The following KCNQ1OT1 variants were observed in gnomAD, a reference collection of about 807,000 sequenced individuals.
KCNQ1OT1 encodes KCNQ1 antisense RNA 2 (non-protein coding).
At position 2,676,219 on chromosome 11, in the gene KCNQ1OT1, A is replaced by G. The variant is rs1280453884; in HGVS notation, n.23776T>C. 2.5e-6 allele frequency: 1 copy of G among 398,546 alleles called. No homozygotes were observed. Among genetic ancestry groups the G allele is most frequent in the African/African-American group, 2.1e-5 (1 of 48,638 alleles). 24.7% of individuals were successfully genotyped at this position (398,546 alleles called of 1,614,324 possible). A position where few individuals can be genotyped will look rare whatever the true frequency, so the allele number is the denominator to read the frequency against. On this transcript the variant is annotated non_coding_transcript_exon_variant, in exon 1 of 1. Coordinates refer to ENST00000597346, the Ensembl canonical transcript of KCNQ1OT1. This position sits in a 1 kb window ranked among gnomAD's most constrained non-coding sequence, Gnocchi z 4.2. ...ATACTTCTTTTTGAGCTGTACATAC[A>G]ATGCTGATTTATTATGGTGCAGTAC...
Position 2,657,220 on chromosome 11 carries a change from C to T in KCNQ1OT1, n.42775G>A, listed in dbSNP as rs759574383. 4.8e-5 allele frequency: 19 copies of T among 398,470 alleles called. No homozygotes were observed. The highest frequency in any genetic ancestry group is 3.5e-4 in the Admixed American group (8 of 22,714). The allele number at this position is 398,470 out of a possible 1,614,324, so 24.7% of individuals were successfully genotyped here. On this transcript the variant is annotated non_coding_transcript_exon_variant, in exon 1 of 1. Transcript: ENST00000597346. This position sits in a 1 kb window ranked among gnomAD's most constrained non-coding sequence, Gnocchi z 4.8. ...TTCTTGGCTTTTTGCACTTCCAAGT[C>T]GCAGTTAGAATCAGCTTGCCAAAGT...
chr11:2,678,499 T>C lies in KCNQ1OT1; in HGVS notation n.21496A>G. On this transcript the variant is annotated non_coding_transcript_exon_variant, in exon 1 of 1. Coordinates refer to ENST00000597346, the Ensembl canonical transcript of KCNQ1OT1. The surrounding 1 kb of genome is among the most constrained non-coding windows in gnomAD (Gnocchi z 4.9). ...CAAACTCTCATTTAATTTGTGTCCA[T>C]TTCTAGACTCTATTCTGGACTGCTG... 2.5e-6 allele frequency: 1 copy of C among 398,646 alleles called. No individual in the cohort carries two copies. The highest frequency in any genetic ancestry group is 4.4e-6 in the Non-Finnish European group (1 of 226,062). 24.7% of individuals were successfully genotyped at this position (398,646 alleles called of 1,614,324 possible).
exon 1 of KCNQ1OT1, chr11:2,641,312 A>C (rs567908531): frequency 2.5e-6 from 1 of 398,368 alleles, no homozygotes; most frequent in Admixed American, 4.4e-5. Flanking sequence ...CCTCTCCAGC[A>C]TTGGTTAATT....
chr11:2,617,511 C>T lies in KCNQ1OT1; in HGVS notation n.82484G>A, dbSNP rs1849086360. 2.5e-6 allele frequency: 1 copy of T among 398,354 alleles called. No homozygotes were observed. The highest frequency in any genetic ancestry group is 3.6e-5 in the East Asian group (1 of 28,062). 24.7% of individuals were successfully genotyped at this position (398,354 alleles called of 1,614,324 possible). A position where few individuals can be genotyped will look rare whatever the true frequency, so the allele number is the denominator to read the frequency against. On this transcript the variant is annotated non_coding_transcript_exon_variant, in exon 1 of 1. Transcript: ENST00000597346. This position sits in a 1 kb window ranked among gnomAD's most constrained non-coding sequence, Gnocchi z 4.6. The stretch of plus-strand genomic sequence containing the variant: ...CATATCGTGACTCATGCATATAATG[C>T]CACAATGAATATAGGAGCGCAGATA...
exon 1 of KCNQ1OT1, chr11:2,680,252 T>G (rs1461869687): frequency 2.5e-6 from 1 of 397,036 alleles, no homozygotes; most frequent in African/African-American, 2.1e-5. Flanking sequence ...TGTATATTCA[T>G]ATCCCATTGG....
exon 1 of KCNQ1OT1, chr11:2,616,990 G>A (rs944676505): frequency 7.6e-6 from 3 of 397,108 alleles, no homozygotes; most frequent in African/African-American, 4.1e-5. Flanking sequence ...TTAAAAATAT[G>A]CATATTTAGT....
In KCNQ1OT1 at chr11:2,621,590, T is replaced by C. The variant is rs544435940; in HGVS notation, n.78405A>G. 5.0e-6 allele frequency: 2 copies of C among 398,564 alleles called. No individual in the cohort carries two copies. Among genetic ancestry groups the C allele is most frequent in the East Asian group, 3.6e-5 (1 of 28,050 alleles). 24.7% of individuals were successfully genotyped at this position (398,564 alleles called of 1,614,324 possible). ...TTGCTATTGGTCTGTTCAGGCTTTC[T>C]ATTCCTGATTTAATCTTAGCAGGTT... On this transcript the variant is annotated non_coding_transcript_exon_variant, in exon 1 of 1. Coordinates refer to ENST00000597346, the Ensembl canonical transcript of KCNQ1OT1. This position sits in a 1 kb window ranked among gnomAD's most constrained non-coding sequence, Gnocchi z 5.7.
At chr11:2,619,674 C>T (rs1197120021) in exon 1 of KCNQ1OT1, 7 of 396,498 alleles carry the variant, frequency 1.8e-5, no homozygotes, top group East Asian at 3.6e-5. Context: ...GTGATGCTGG[C>T]CTCATAAAAT....
rs1590032498 is a variant in KCNQ1OT1 at position 2,687,093 on chromosome 11, G to T, written n.12902C>A. 11 of 398,684 alleles carry T rather than the reference G, an allele frequency of 2.8e-5. No homozygotes were observed. The East Asian group carries it at 3.9e-4, about 14-fold the overall frequency. The allele number at this position is 398,684 out of a possible 1,614,324, so 24.7% of individuals were successfully genotyped here. The stretch of plus-strand genomic sequence containing the variant: ...TGATGCAAGATATCCTGAGTTGGGT[G>T]TGACAAGTACACCTTGACACACAAA... On this transcript the variant is annotated non_coding_transcript_exon_variant, in exon 1 of 1. Coordinates refer to ENST00000597346, the Ensembl canonical transcript of KCNQ1OT1. The surrounding 1 kb of genome is among the most constrained non-coding windows in gnomAD (Gnocchi z 5.0).
chr11:2,637,233 G>A (rs954679279), exon 1 of KCNQ1OT1: 1 of 152,050 alleles, frequency 6.6e-6, no homozygotes, highest in African/African-American at 2.4e-5. Context: ...GCTTTTGAAT[G>A]TGTTTGCTCT....
exon 1 of KCNQ1OT1, chr11:2,688,035 C>G: frequency 5.0e-6 from 2 of 398,718 alleles, no homozygotes; most frequent in Non-Finnish European, 4.4e-6. Flanking sequence ...TGGGCAGGCA[C>G]ACACTCCACT....
exon 1 of KCNQ1OT1, chr11:2,660,727 CTTCATTCA>C (rs1298392374): frequency 5.0e-6 from 2 of 398,548 alleles, no homozygotes; most frequent in Non-Finnish European, 8.8e-6. Context: ...TCATTCAACA[CTTCATTCA>C]GGCATGGATG....
At chr11:2,636,264 GTTTTCAAAGGGAATGCTTCCAGTT>G (rs1430863100) in exon 1 of KCNQ1OT1, 1 of 152,092 alleles carries the variant, frequency 6.6e-6, no homozygotes, top group Non-Finnish European at 1.5e-5. Flanking sequence ...TCTTGTGCCA[GTTTTCAAAGGGAATGCTTCCAGTT>G]TTTGCTCATT....
rs1662613887 is a variant in KCNQ1OT1, at chr11:2,682,342, A to C, written n.17653T>G. ...TGTAACTGTGTGTTTATTTGTGGTA[A>C]AGGGTTTACTGGCTGGCTCCTTCTA... On this transcript the variant is annotated non_coding_transcript_exon_variant, in exon 1 of 1. Coordinates refer to ENST00000597346, the Ensembl canonical transcript of KCNQ1OT1. This position sits in a 1 kb window ranked among gnomAD's most constrained non-coding sequence, Gnocchi z 5.8. 5.0e-6 allele frequency: 2 copies of C among 398,594 alleles called. No individual in the cohort carries two copies. The highest frequency in any genetic ancestry group is 8.8e-6 in the Non-Finnish European group (2 of 226,074). The allele number at this position is 398,594 out of a possible 1,614,324, so 24.7% of individuals were successfully genotyped here.
At chr11:2,675,725 C>A in exon 1 of KCNQ1OT1, 1 of 398,700 alleles carries the variant, frequency 2.5e-6, no homozygotes, top group Non-Finnish European at 4.4e-6. Context: ...CTGGAGCAGC[C>A]CCTGCTCCAC....
At chr11:2,618,883 C>A (rs1849116497) in exon 1 of KCNQ1OT1, 1 of 398,006 alleles carries the variant, frequency 2.5e-6, no homozygotes, top group Non-Finnish European at 4.4e-6. Context: ...TTTCAGTGTA[C>A]AGGTCTTTCA....
At chr11:2,641,343 A>G (rs1849573503) in exon 1 of KCNQ1OT1, 1 of 398,062 alleles carries the variant, frequency 2.5e-6, no homozygotes, top group Non-Finnish European at 4.4e-6. Context: ...TAAAATAGCC[A>G]TTCTCACTAT....
chr11:2,669,650 G>A lies in KCNQ1OT1; in HGVS notation n.30345C>T. ...CTCAGTTTCCTCTTGTATACATTGG[G>A]AGTATATCTCACAGTATTAGTGTAA... On this transcript the variant is annotated non_coding_transcript_exon_variant, in exon 1 of 1. Coordinates refer to ENST00000597346, the Ensembl canonical transcript of KCNQ1OT1. This position sits in a 1 kb window ranked among gnomAD's most constrained non-coding sequence, Gnocchi z 5.6. 1 of 398,630 alleles carries A rather than the reference G, an allele frequency of 2.5e-6. No individual in the cohort carries two copies. The allele number at this position is 398,630 out of a possible 1,614,324, so 24.7% of individuals were successfully genotyped here. A position where few individuals can be genotyped will look rare whatever the true frequency, so the allele number is the denominator to read the frequency against.
exon 1 of KCNQ1OT1, chr11:2,633,294 G>C (rs1849394604): frequency 5.0e-6 from 2 of 398,444 alleles, no homozygotes; most frequent in Non-Finnish European, 8.8e-6. Flanking sequence ...TTAATCCCTT[G>C]TCAGATGAAT....
Sources: allele counts gnomAD v4.1 joint callset, GRCh38; gene constraint gnomAD v4.1.1; non-coding constraint Gnocchi (gnomAD v3.1); transcripts MANE v1.5; gene names NCBI Gene and HGNC (gene_info 2026-07-23, HGNC 2026-07-21).